The following SOBP variants were observed in gnomAD, a reference collection of about 807,000 sequenced individuals.
SOBP encodes the protein sine oculis binding protein homolog.
Under a neutral mutation model 53.6 loss-of-function variants are expected in SOBP, and 4 were observed. The observed-to-expected ratio is 0.07, with a 90% CI of 0.04 to 0.17. SOBP has a LOEUF of 0.17. Among genes scored for constraint, SOBP ranks in the 10% least tolerant of loss-of-function variants. The pLI is 1.00. For missense variants in SOBP, 1,088 were observed against 1,204.7 expected (o/e 0.90, Z 1.43); for synonymous variants, 584 against 522.6 (o/e 1.12, Z -1.60).
chr6:107,543,368 C>T (rs977281616), intron 4 of SOBP, among the ~76,000 whole-genome samples: 12 of 152,208 alleles, frequency 7.9e-5, no homozygotes, highest in Non-Finnish European at 5.9e-5. Flanking sequence ...GAATGAGTCT[C>T]TGGCCTAGCA....
At chr6:107,583,823 GACCAGA>G (rs901431359) in intron 4 of SOBP, among the ~76,000 whole-genome samples, 2 of 152,138 alleles carry the variant, frequency 1.3e-5, no homozygotes, top group Non-Finnish European at 2.9e-5. Flanking sequence ...AAATGCTTGG[GACCAGA>G]AGTGTTTGGG....
At chr6:107,547,759 G>A (rs1368279687) in intron 4 of SOBP, among the ~76,000 whole-genome samples, 1 of 152,150 alleles carries the variant, frequency 6.6e-6, no homozygotes, top group Non-Finnish European at 1.5e-5. Context: ...ATTAATCCAC[G>A]GAGGCAGCCC....
At chr6:107,535,637 G>GTGTTT (rs1490854669) in intron 4 of SOBP, among the ~76,000 whole-genome samples, 3 of 135,290 alleles carry the variant, frequency 2.2e-5, no homozygotes, top group African/African-American at 8.1e-5. Flanking sequence ...GTGTGTGTGT[G>GTGTTT]TTTTTTTTTT....
At chr6:107,523,670 G>A (rs539036036) in intron 3 of SOBP, among the ~76,000 whole-genome samples, 16 of 152,322 alleles carry the variant, frequency 1.1e-4, no homozygotes, top group African/African-American at 3.4e-4. Flanking sequence ...CTGGAGCAGC[G>A]AGGAGGGACT....
intron 4 of SOBP, among the ~76,000 whole-genome samples, chr6:107,564,288 A>T (rs764170657): frequency 2.0e-5 from 3 of 152,168 alleles, no homozygotes; most frequent in Admixed American, 6.5e-5. Flanking sequence ...ATTAAAGTAT[A>T]AAACACTCTC....
intron 5 of SOBP, among the ~76,000 whole-genome samples, chr6:107,598,416 G>A (rs77088583): frequency 6.6e-6 from 1 of 152,166 alleles, no homozygotes; most frequent in African/African-American, 2.4e-5. Flanking sequence ...CGATGGAAGG[G>A]CATCCCAGAG....
intron 5 of SOBP, among the ~76,000 whole-genome samples, chr6:107,591,376 C>T (rs1032093010): frequency 5.3e-5 from 8 of 152,136 alleles, no homozygotes; most frequent in African/African-American, 1.9e-4. Context: ...GTGAGCTATG[C>T]CCCAAAAGAG....
At position 107,490,675 on chromosome 6, in the gene SOBP, C is replaced by A; in HGVS notation, c.59C>A (p.Ala20Asp). The A allele has an allele frequency of 6.2e-7, 1 of 1,608,174 alleles. No homozygotes were observed. Among genetic ancestry groups the A allele is most frequent in the Non-Finnish European group, 8.5e-7 (1 of 1,176,988 alleles). Reference sequence around the variant, plus strand: ...GAAAATAAACGGAGCAGGAAGCCGGCTCACCCAGTGAAAAGGGAGATCAAT... The same window carrying A: ...GAAAATAAACGGAGCAGGAAGCCGGATCACCCAGTGAAAAGGGAGATCAAT... ...PPENKRSRKP[A>D]HPVKREINEE... Residue 20 changes from alanine to aspartate, a missense_variant, in exon 1 of 7, where the codon GCT becomes GAT. Physicochemically the swap from Ala to Asp is moderately radical, Grantham distance 126. Transcript: ENST00000317357.
At chr6:107,569,156 A>G (rs188047002) in intron 4 of SOBP, among the ~76,000 whole-genome samples, 1 of 152,304 alleles carries the variant, frequency 6.6e-6, no homozygotes, top group East Asian at 1.9e-4. Context: ...CCTGAGCAGT[A>G]TCAGATTTTG....
chr6:107,571,363 T>C (rs1156274144), intron 4 of SOBP, among the ~76,000 whole-genome samples: 1 of 152,198 alleles, frequency 6.6e-6, no homozygotes, highest in Non-Finnish European at 1.5e-5. Flanking sequence ...TCTCCATTAC[T>C]AAAGGGCAGG....
intron 6 of SOBP, among the ~76,000 whole-genome samples, chr6:107,654,990 C>G (rs1771971318): frequency 6.6e-6 from 1 of 151,954 alleles, no homozygotes; most frequent in Non-Finnish European, 1.5e-5. Context: ...AATCGAGGCT[C>G]TGGGGGAGGG....
intron 4 of SOBP, among the ~76,000 whole-genome samples, chr6:107,569,159 A>G (rs1784999956): frequency 6.6e-6 from 1 of 152,178 alleles, no homozygotes; most frequent in South Asian, 2.1e-4. Flanking sequence ...GAGCAGTATC[A>G]GATTTTGCTT....
chr6:107,506,482 CAT>C (rs926592741), intron 3 of SOBP, 55 bp downstream of exon 3: 28 of 1,583,438 alleles, frequency 1.8e-5, no homozygotes, highest in Non-Finnish European at 2.3e-5. Flanking sequence ...TTGTTTTAAC[CAT>C]CTTAGGAATA....
In SOBP at chr6:107,634,623, G is replaced by C. The variant is rs1473596707; in HGVS notation, c.1779G>C (p.Lys593Asn). Reference sequence around the variant, plus strand: ...GGGACTCCAAGCAGGGCTCGTCCAAGTCCGCGGACTCGCCCCCCGGCTGCT... The same window carrying C: ...GGGACTCCAAGCAGGGCTCGTCCAACTCCGCGGACTCGCCCCCCGGCTGCT... The part of the protein sequence containing the change: ...SPRDSKQGSS[K>N]SADSPPGCSG... The change falls in exon 6 of 7, where the codon AAG becomes AAC. Residue 593 changes from lysine to asparagine, a missense_variant. Physicochemically the swap from Lys to Asn is moderately conservative, Grantham distance 94 (BLOSUM62 0). Transcript: ENST00000317357. The surrounding 1 kb of genome is among the most constrained non-coding windows in gnomAD (Gnocchi z 4.5). 1.3e-6 allele frequency: 2 copies of C among 1,591,482 alleles called. No individual in the cohort carries two copies. The highest frequency in any genetic ancestry group is 1.1e-5 in the South Asian group (1 of 89,852).
Position 107,533,594 on chromosome 6 carries a change from A to C in SOBP, c.557A>C (p.Tyr186Ser). 1 of 1,613,986 alleles carries C rather than the reference A, an allele frequency of 6.2e-7. No individual in the cohort carries two copies. Among genetic ancestry groups the C allele is most frequent in the Non-Finnish European group, 8.5e-7 (1 of 1,179,922 alleles). The change falls in exon 4 of 7, where the codon TAC becomes TCC. Residue 186 changes from tyrosine (Y) to serine (S), a missense_variant. Physicochemically the swap from Tyr to Ser is moderately radical, Grantham distance 144. Transcript: ENST00000317357. ...TGCTTTGCGGCCTGCCGACGAGCCT[A>C]CTTCAAGAGAAATAAGGTAAGAGCA... is the stretch of plus-strand genomic sequence containing the variant. ...EKCFAACRRA[Y>S]FKRNKARDED...
rs1213425681 is a variant in SOBP at position 107,490,480 on chromosome 6, G to A, written c.-137G>A. On this transcript the variant is annotated 5_prime_UTR_variant, in exon 1 of 7. Transcript: ENST00000317357. ...GCGCCTGCCCTCCCCCTCGCGGCTC[G>A]GTCCGGCCCCGCCAGCACCGCTACC... 2 of 637,586 alleles carry A rather than the reference G, an allele frequency of 3.1e-6. No homozygotes were observed. Among genetic ancestry groups the A allele is most frequent in the Non-Finnish European group, 5.5e-6 (2 of 364,536 alleles). 39.5% of individuals were successfully genotyped at this position (637,586 alleles called of 1,614,324 possible).
intron 5 of SOBP, among the ~76,000 whole-genome samples, chr6:107,600,410 G>A (rs747456337): frequency 6.6e-6 from 1 of 152,134 alleles, no homozygotes; most frequent in African/African-American, 2.4e-5. Context: ...CACTTCATTC[G>A]AGTGGTAGCC....
In SOBP at chr6:107,660,296, G is replaced by A. The variant is rs1772243843; in HGVS notation, c.*2093G>A. The A allele has an allele frequency of 1.3e-5, 2 of 152,144 alleles. No individual in the cohort carries two copies. Among genetic ancestry groups the A allele is most frequent in the Non-Finnish European group, 2.9e-5 (2 of 68,030 alleles). The allele number at this position is 152,144 out of a possible 1,614,324, so 9.4% of individuals were successfully genotyped here. A position where few individuals can be genotyped will look rare whatever the true frequency, so the allele number is the denominator to read the frequency against. On this transcript the variant is annotated 3_prime_UTR_variant, in exon 7 of 7. Transcript: ENST00000317357. ...GTTTTAAAAGATGGTAAGCTACTGG[G>A]ATGGCACTGTCTCTTCCTGACCTGC...
At chr6:107,609,495 T>G (rs1458159861) in intron 5 of SOBP, among the ~76,000 whole-genome samples, 2 of 152,182 alleles carry the variant, frequency 1.3e-5, no homozygotes, top group Non-Finnish European at 2.9e-5. Context: ...CTGTGGATAG[T>G]AGAGAGAAAT....
Sources: gnomAD v4.1 joint callset for allele counts (sites outside exome capture counted in the v4.1 genomes callset) on GRCh38, gnomAD v4.1.1 for gene constraint, Gnocchi (gnomAD v3.1) non-coding constraint, MANE v1.5 for transcripts, NCBI Gene and HGNC (gene_info 2026-07-23, HGNC 2026-07-21) for gene names.